Variants in NDUFS5 observed in about 807,000 individuals in gnomAD.
The protein encoded by NDUFS5 is NADH dehydrogenase [ubiquinone] iron-sulfur protein 5.
NDUFS5 carries 7 observed loss-of-function variants against 10.5 expected under a neutral mutation model. That is an observed-to-expected ratio of 0.66 (90% CI 0.38 to 1.25). NDUFS5 has a LOEUF of 1.25. NDUFS5 is among the 50% of genes most tolerant of loss of function. The pLI is 0.02. For synonymous variants in NDUFS5, 38 were observed against 44.0 expected (o/e 0.86, Z 0.54); for missense variants, 148 against 140.7 (o/e 1.05, Z -0.26).
At chr1:39,032,315 T>G (rs1384012713) in intron 2 of NDUFS5, among the ~76,000 whole-genome samples, 1 of 152,236 alleles carries the variant, frequency 6.6e-6, no homozygotes, top group Non-Finnish European at 1.5e-5. Flanking sequence ...TTACTGCTTT[T>G]AGCTCAGAGA....
chr1:39,031,090 G>A (rs1644187752), intron 2 of NDUFS5, among the ~76,000 whole-genome samples: 1 of 151,930 alleles, frequency 6.6e-6, no homozygotes, highest in Non-Finnish European at 1.5e-5. Flanking sequence ...GGCTGATCTC[G>A]AACTCCTGAG....
Sources: allele counts gnomAD v4.1 joint callset (sites outside exome capture counted in the v4.1 genomes callset), GRCh38; gene constraint gnomAD v4.1.1; transcripts MANE v1.5; gene names NCBI Gene and HGNC (gene_info 2026-07-23, HGNC 2026-07-21).